The following WWOX variants were observed in gnomAD, a reference collection of about 807,000 sequenced individuals.
WWOX encodes the protein WW domain containing oxidoreductase, also known as WW domain-containing oxidoreductase.
Under a neutral mutation model 46.2 loss-of-function variants are expected in WWOX, and 69 were observed. That is an observed-to-expected ratio of 1.49 (90% CI 1.23 to 1.82). The LOEUF is 1.82. WWOX is among the 40% of genes most tolerant of loss of function. WWOX has a pLI of 0.00. For missense variants in WWOX, 919 were observed against 542.6 expected (o/e 1.69, Z -6.89); for synonymous variants, 359 against 202.6 (o/e 1.77, Z -6.56).
intron 8 of WWOX, among the ~76,000 whole-genome samples, chr16:79,140,991 G>A (rs28689934): frequency 0.19 from 28,901 of 152,010 alleles, 5,677 homozygotes; most frequent in African/African-American, 0.5. Flanking sequence ...GAATATAGGC[G>A]TACGCTTAGA....
At chr16:78,459,761 A>C (rs2083907253) in intron 8 of WWOX, among the ~76,000 whole-genome samples, 1 of 152,176 alleles carries the variant, frequency 6.6e-6, no homozygotes, top group Admixed American at 6.5e-5. Context: ...CTGAAGGCCT[A>C]CTTGATGCTG....
At chr16:78,937,573 G>A (rs1228315453) in intron 8 of WWOX, among the ~76,000 whole-genome samples, 6 of 147,380 alleles carry the variant, frequency 4.1e-5, no homozygotes, top group African/African-American at 7.5e-5. Context: ...GCGATTACAG[G>A]CATCTGCCAC....
At chr16:78,356,921 A>G (rs1271136811) in intron 5 of WWOX, among the ~76,000 whole-genome samples, 2 of 152,124 alleles carry the variant, frequency 1.3e-5, no homozygotes, top group East Asian at 3.9e-4. Flanking sequence ...ACAATATGTT[A>G]TATGAGATCT....
At chr16:78,673,644 T>C (rs951287448) in intron 8 of WWOX, among the ~76,000 whole-genome samples, 3 of 152,178 alleles carry the variant, frequency 2.0e-5, no homozygotes, top group African/African-American at 7.2e-5. Context: ...AAAAATTAGA[T>C]CATAAATTTG....
intron 8 of WWOX, among the ~76,000 whole-genome samples, chr16:79,001,398 C>T (rs1056650845): frequency 7.2e-5 from 11 of 152,216 alleles, no homozygotes; most frequent in African/African-American, 2.2e-4. Flanking sequence ...GGATTTGTAG[C>T]AAAACCCAGC....
chr16:79,128,812 T>G (rs971018081), intron 8 of WWOX, among the ~76,000 whole-genome samples: 1 of 152,116 alleles, frequency 6.6e-6, no homozygotes, highest in African/African-American at 2.4e-5. Flanking sequence ...CCTTACATAT[T>G]TTGTTCACAA....
intron 5 of WWOX, among the ~76,000 whole-genome samples, chr16:78,328,414 T>C (rs1389492672): frequency 2.0e-5 from 3 of 152,250 alleles, no homozygotes; most frequent in African/African-American, 4.8e-5. Flanking sequence ...ACTTGGATTT[T>C]AGATGAAGAA....
intron 8 of WWOX, among the ~76,000 whole-genome samples, chr16:79,152,257 G>C (rs7201278): frequency 0.027 from 4,057 of 152,294 alleles, 205 homozygotes; most frequent in African/African-American, 0.093. Flanking sequence ...ATGAGGCAGA[G>C]AAGGGTACAG....
chr16:78,979,123 A>G (rs941012953), intron 8 of WWOX, among the ~76,000 whole-genome samples: 1 of 147,650 alleles, frequency 6.8e-6, no homozygotes, highest in Admixed American at 6.8e-5. Flanking sequence ...CAGGAAGTAT[A>G]TATTTTCCTC....
chr16:78,846,116 G>C (rs191210181), intron 8 of WWOX, among the ~76,000 whole-genome samples: 2 of 152,130 alleles, frequency 1.3e-5, no homozygotes, highest in Non-Finnish European at 1.5e-5. Context: ...CTTGGGAAAG[G>C]TTGGTTGGTT....
intron 5 of WWOX, chr16:78,278,761 T>C: frequency 9.5e-7 from 1 of 1,052,396 alleles, no homozygotes; most frequent in African/African-American, 1.6e-5. Context: ...CTCGGTGATC[T>C]GACAGACATG....
At chr16:78,113,038 A>T (rs144548508) in intron 3 of WWOX, among the ~76,000 whole-genome samples, 1 of 152,004 alleles carries the variant, frequency 6.6e-6, no homozygotes, top group African/African-American at 2.4e-5. Flanking sequence ...AGTCAAATCA[A>T]TTTTCTCCTG....
chr16:78,923,072 C>G (rs543134113), intron 8 of WWOX, among the ~76,000 whole-genome samples: 42 of 151,230 alleles, frequency 2.8e-4, no homozygotes, highest in African/African-American at 9.3e-4. Flanking sequence ...ACCTCTGCCT[C>G]TTGGGTTCAA....
At chr16:78,570,630 C>T (rs1158545749) in intron 8 of WWOX, among the ~76,000 whole-genome samples, 1 of 152,086 alleles carries the variant, frequency 6.6e-6, no homozygotes, top group Non-Finnish European at 1.5e-5. Context: ...GTTACTCAAC[C>T]AGCTTCCTAC....
intron 8 of WWOX, among the ~76,000 whole-genome samples, chr16:78,530,337 G>C (rs888837916): frequency 6.6e-6 from 1 of 152,166 alleles, no homozygotes; most frequent in Admixed American, 6.5e-5. Flanking sequence ...GAGGAACGAG[G>C]TCTCATGAGC....
intron 8 of WWOX, among the ~76,000 whole-genome samples, chr16:78,695,474 C>G (rs1447780685): frequency 6.6e-6 from 1 of 152,118 alleles, no homozygotes; most frequent in East Asian, 1.9e-4. Context: ...GCTTGTCTTT[C>G]ATGATAGAAG....
intron 8 of WWOX, among the ~76,000 whole-genome samples, chr16:78,465,991 G>A (rs74649493): frequency 0.13 from 19,146 of 152,014 alleles, 1,313 homozygotes; most frequent in Non-Finnish European, 0.16. Flanking sequence ...GGGGAGTATG[G>A]AAAGCCTGTT....
In WWOX at chr16:78,312,311, C is replaced by A. The variant is rs377406680; in HGVS notation, c.517-74549C>A. 4.6e-5 allele frequency among the ~76,000 whole-genome samples: 7 copies of A among 150,952 alleles called. No homozygotes were observed. In the East Asian group the frequency reaches 7.7e-4, roughly 17 times the overall value. On this transcript the variant is annotated intron_variant, in intron 5 of 8. Transcript: ENST00000566780. ...AGGGGGTAATTTTAGCTTCTTTCTC[C>A]GTTGAAAACTTCAAGTAAGGAAACA...
intron 8 of WWOX, chr16:78,890,874 A>G (rs1242742246): frequency 6.6e-6 from 1 of 152,220 alleles, no homozygotes; most frequent in African/African-American, 2.4e-5. Context: ...TAAAGACTTT[A>G]GGTACATTCC....
Sources: gnomAD v4.1 joint callset for allele counts (sites outside exome capture counted in the v4.1 genomes callset) on GRCh38, gnomAD v4.1.1 for gene constraint, MANE v1.5 for transcripts, NCBI Gene and HGNC (gene_info 2026-07-23, HGNC 2026-07-21) for gene names.